Variants in ARHGAP22 observed in about 807,000 individuals in gnomAD.
The protein encoded by ARHGAP22 is Rho GTPase activating protein 22, also known as rho GTPase-activating protein 22.
ARHGAP22 carries 48 observed loss-of-function variants against 59.1 expected under a neutral mutation model. The observed-to-expected ratio is 0.81, with a 90% CI of 0.64 to 1.03. The LOEUF (loss-of-function observed/expected upper bound fraction) is 1.03, where lower values mean the gene tolerates loss of function less well. Among genes scored for constraint, ARHGAP22 ranks in the 50% least tolerant of loss-of-function variants. The probability of loss-of-function intolerance (pLI) is 0.00; values close to 1 mark genes in which losing one functional copy is unlikely to be tolerated. For synonymous variants in ARHGAP22, 445 were observed against 416.4 expected (o/e 1.07, Z -0.84); for missense variants, 1,015 against 958.7 (o/e 1.06, Z -0.78).
At chr10:48,431,167 T>C in the ARHGAP22 span, 3 of 1,502,126 alleles carry the variant, frequency 2.0e-6, no homozygotes, top group Middle Eastern at 1.8e-4. Context: ...CTTTGAAAAG[T>C]TCATTTTTGT....
At chr10:48,457,023 G>A (rs2046594850) in intron 5 of ARHGAP22, among the ~76,000 whole-genome samples, 1 of 152,136 alleles carries the variant, frequency 6.6e-6, no homozygotes, top group South Asian at 2.1e-4. Context: ...GGCGGAGGGT[G>A]GGGGCAGGGG....
intron 2 of ARHGAP22, among the ~76,000 whole-genome samples, chr10:48,581,457 C>T (rs2135609238): frequency 6.6e-6 from 1 of 152,316 alleles, no homozygotes; most frequent in South Asian, 2.1e-4. Flanking sequence ...TCAGATCTAG[C>T]TGACTCCAGA....
chr10:48,626,704 T>C (rs903449902), intron 1 of ARHGAP22, among the ~76,000 whole-genome samples: 1 of 152,170 alleles, frequency 6.6e-6, no homozygotes, highest in African/African-American at 2.4e-5. Flanking sequence ...GAGGGTGTGG[T>C]ACGATGGGAA....
At chr10:48,491,485 C>T (rs372800844) in intron 3 of ARHGAP22, among the ~76,000 whole-genome samples, 2 of 152,234 alleles carry the variant, frequency 1.3e-5, no homozygotes, top group African/African-American at 2.4e-5. Flanking sequence ...GCAATCAATA[C>T]ACTCTGTATG....
chr10:48,646,076 A>G (rs948556538), intron 1 of ARHGAP22, among the ~76,000 whole-genome samples: 1 of 152,238 alleles, frequency 6.6e-6, no homozygotes, highest in African/African-American at 2.4e-5. Context: ...CATAAATGAA[A>G]TTAAGAAAAC....
chr10:48,561,345 A>G (rs1477402409), intron 2 of ARHGAP22, among the ~76,000 whole-genome samples: 1 of 152,188 alleles, frequency 6.6e-6, no homozygotes, highest in Non-Finnish European at 1.5e-5. Context: ...CACCATATAT[A>G]AAAATATACT....
intron 3 of ARHGAP22, among the ~76,000 whole-genome samples, chr10:48,502,132 G>GTT (rs2051588087): frequency 6.6e-6 from 1 of 152,196 alleles, no homozygotes; most frequent in South Asian, 2.1e-4. Flanking sequence ...CCTCCAAATG[G>GTT]TTTCAGCTCT....
chr10:48,535,396 C>A (rs1304213674), intron 3 of ARHGAP22, among the ~76,000 whole-genome samples: 1 of 152,204 alleles, frequency 6.6e-6, no homozygotes, highest in Non-Finnish European at 1.5e-5. Context: ...CCTTCTAGGA[C>A]CTCAGTGTCC....
At chr10:48,453,886 C>T (rs2046233817) in intron 7 of ARHGAP22, among the ~76,000 whole-genome samples, 1 of 152,186 alleles carries the variant, frequency 6.6e-6, no homozygotes, top group Non-Finnish European at 1.5e-5. Context: ...AAACCAGCTG[C>T]TCCCATGGGA....
In ARHGAP22 at chr10:48,546,308, C is replaced by T. The variant is rs181261129; in HGVS notation, c.322+9155G>A. On this transcript the variant is annotated intron_variant, in intron 3 of 9. Coordinates refer to ENST00000249601, the MANE Select transcript of ARHGAP22 (RefSeq NM_021226.4). ...TCTTGTAAGCCCCTCAGTTGGTCTA[C>T]CCTGAGTGATCTTTCTAACACATAG... 2.1e-3 allele frequency among the ~76,000 whole-genome samples: 327 copies of T among 152,326 alleles called. 5 individuals are homozygous for T. Among genetic ancestry groups the T allele is most frequent in the Admixed American group, 0.019 (286 of 15,310 alleles).
chr10:48,474,491 G>T (rs966157050), intron 4 of ARHGAP22, among the ~76,000 whole-genome samples: 10 of 152,176 alleles, frequency 6.6e-5, no homozygotes, highest in Non-Finnish European at 8.8e-5. Flanking sequence ...AAGTGGTGAA[G>T]GCAAGAATCC....
intron 1 of ARHGAP22, among the ~76,000 whole-genome samples, chr10:48,643,956 TA>T (rs1418660346): frequency 6.6e-6 from 1 of 152,046 alleles, no homozygotes; most frequent in Non-Finnish European, 1.5e-5. Context: ...GAGACCAGCC[TA>T]AACGACATGG....
At chr10:48,577,904 G>A (rs1382486088) in intron 2 of ARHGAP22, among the ~76,000 whole-genome samples, 1 of 137,160 alleles carries the variant, frequency 7.3e-6, no homozygotes, top group Admixed American at 8.4e-5. Context: ...TACCTCCCAG[G>A]TTCAAGCAAG....
intron 3 of ARHGAP22, among the ~76,000 whole-genome samples, chr10:48,489,647 G>A (rs1220895034): frequency 6.6e-6 from 1 of 151,588 alleles, no homozygotes; most frequent in African/African-American, 2.4e-5. Context: ...ACAGTTTCTG[G>A]TTTTTCCTCT....
chr10:48,460,019 G>T, intron 4 of ARHGAP22, 128 bp from the exon 5 acceptor site: 1 of 928,296 alleles, frequency 1.1e-6, no homozygotes, highest in Non-Finnish European at 1.6e-6. Context: ...ATTACACACT[G>T]GGAGGATGCA....
chr10:48,509,286 GGGGCA>G (rs1276559512), intron 3 of ARHGAP22, among the ~76,000 whole-genome samples: 1 of 152,152 alleles, frequency 6.6e-6, no homozygotes, highest in Non-Finnish European at 1.5e-5. Context: ...TGGACCCCAT[GGGGCA>G]TCGCTCAGGA....
chr10:48,604,988 C>T lies in ARHGAP22; in HGVS notation c.-192G>A, dbSNP rs948707996. On this transcript the variant is annotated 5_prime_UTR_variant, in exon 1 of 10. Transcript: ENST00000249601. ...GACGGCTCGCCTTGGACTACATAAA[C>T]CTCGATGCATTATTTATCCATCCCA... is the stretch of plus-strand genomic sequence containing the variant. 1.4e-6 allele frequency: 2 copies of T among 1,459,922 alleles called. No individual in the cohort carries two copies. Among genetic ancestry groups the T allele is most frequent in the Non-Finnish European group, 1.8e-6 (2 of 1,111,004 alleles). The allele number at this position is 1,459,922 out of a possible 1,614,324, so 90.4% of individuals were successfully genotyped here.
At position 48,455,059 on chromosome 10, in the gene ARHGAP22, G is replaced by A. The variant is rs753645581; in HGVS notation, c.735C>T (p.Phe245=). ...AGCTGAGGAAGTCCTCGTACCTGGC[G>A]AAGGGGACCACGGGCTCGGGGAGCT... ...LRELPEPVVP[F]ARYEDFLSCA... The change falls in exon 6 of 10, where the codon TTC becomes TTT. Residue 245 remains phenylalanine, a synonymous_variant. Transcript: ENST00000249601. 40 of 1,612,486 alleles carry A rather than the reference G, an allele frequency of 2.5e-5. No homozygotes were observed. Among genetic ancestry groups the A allele is most frequent in the Non-Finnish European group, 3.3e-5 (39 of 1,179,544 alleles).
upstream of ARHGAP22, chr10:48,656,097 C>T (rs1483051150): frequency 2.0e-5 from 3 of 152,550 alleles, no homozygotes; most frequent in Non-Finnish European, 4.4e-5. Context: ...TTCCTCGCCG[C>T]CCGGCGGCAG....
Sources: gnomAD v4.1 joint callset for allele counts (sites outside exome capture counted in the v4.1 genomes callset) on GRCh38, gnomAD v4.1.1 for gene constraint, MANE v1.5 for transcripts, NCBI Gene and HGNC (gene_info 2026-07-23, HGNC 2026-07-21) for gene names.